Variants in LRP1B observed in about 807,000 individuals in gnomAD.
LRP1B encodes the protein low-density lipoprotein receptor-related protein 1B.
LRP1B carries 217 observed loss-of-function variants against 556.6 expected under a neutral mutation model. The ratio of observed to expected loss-of-function variants is 0.39; its 90% CI spans 0.35 to 0.44. The LOEUF is 0.44. LRP1B is among the 20% of genes least tolerant of loss of function. The pLI is 1.00. For synonymous variants in LRP1B, 2,047 were observed against 1,865.8 expected (o/e 1.10, Z -2.50); for missense variants, 5,053 against 5,620.8 (o/e 0.90, Z 3.23).
chr2:142,043,209 T>C (rs1704122718), intron 1 of LRP1B, among the ~76,000 whole-genome samples: 1 of 151,632 alleles, frequency 6.6e-6, no homozygotes, highest in South Asian at 2.1e-4. Context: ...GATTTTTCAA[T>C]ATCCAGATAC....
chr2:141,665,823 G>A (rs1392264840), intron 2 of LRP1B, among the ~76,000 whole-genome samples: 18 of 151,990 alleles, frequency 1.2e-4, no homozygotes, highest in Admixed American at 1.2e-3. Context: ...AACAAACTAG[G>A]TACAGAAAAC....
chr2:140,530,754 T>G (rs182421030), intron 47 of LRP1B, among the ~76,000 whole-genome samples: 1 of 152,180 alleles, frequency 6.6e-6, no homozygotes, highest in African/African-American at 2.4e-5. Context: ...CTTTAAGGCA[T>G]AAGTTTTGCT....
chr2:141,822,130 C>CACACACACACACACAG (rs374369026), intron 1 of LRP1B, among the ~76,000 whole-genome samples: 2 of 95,896 alleles, frequency 2.1e-5, no homozygotes, highest in South Asian at 9.1e-4. Context: ...CACACACACA[C>CACACACACACACACAG]AGAGAGAGAG....
At chr2:140,242,597 A>T (rs942791782) in intron 87 of LRP1B, among the ~76,000 whole-genome samples, 1 of 151,154 alleles carries the variant, frequency 6.6e-6, no homozygotes, top group African/African-American at 2.4e-5. Flanking sequence ...TCACTATAGT[A>T]GCATGAATGC....
At chr2:140,542,789 A>C (rs1239618155) in intron 43 of LRP1B, among the ~76,000 whole-genome samples, 1 of 152,154 alleles carries the variant, frequency 6.6e-6, no homozygotes, top group African/African-American at 2.4e-5. Flanking sequence ...AAGAGTTGAC[A>C]GTTCAGCAGA....
chr2:141,724,352 T>C (rs1692950523), intron 2 of LRP1B, among the ~76,000 whole-genome samples: 1 of 151,946 alleles, frequency 6.6e-6, no homozygotes, highest in African/African-American at 2.4e-5. Context: ...TACCACCATG[T>C]AGCTGCTGGT....
chr2:142,063,919 C>T (rs748195648), intron 1 of LRP1B, among the ~76,000 whole-genome samples: 19 of 151,442 alleles, frequency 1.3e-4, no homozygotes, highest in East Asian at 1.9e-4. Flanking sequence ...ACATCAATAC[C>T]GTATAAATGA....
chr2:141,862,122 T>A (rs942965212), intron 1 of LRP1B, among the ~76,000 whole-genome samples: 1 of 152,182 alleles, frequency 6.6e-6, no homozygotes, highest in Non-Finnish European at 1.5e-5. Flanking sequence ...ATGACTCTAA[T>A]TTAATATGTT....
At chr2:140,972,803 T>C (rs2105331509) in intron 18 of LRP1B, among the ~76,000 whole-genome samples, 1 of 151,710 alleles carries the variant, frequency 6.6e-6, no homozygotes, top group African/African-American at 2.4e-5. Flanking sequence ...AGAGGTGAAG[T>C]TTATGTAAAT....
Position 140,613,376 on chromosome 2 carries a change from T to A in LRP1B, c.6800-11737A>T, listed in dbSNP as rs34154771. Reference sequence around the variant, plus strand: ...AAATAATTATATAAATATAAATATATATAATTATATACATATAAATATAAA... The same window carrying A: ...AAATAATTATATAAATATAAATATAAATAATTATATACATATAAATATAAA... On this transcript the variant is annotated intron_variant, in intron 41 of 90. Coordinates refer to ENST00000389484, the MANE Select transcript of LRP1B (RefSeq NM_018557.3). Among the ~76,000 whole-genome samples the A allele has an allele frequency of 3.8e-5, 4 of 104,986 alleles. 1 individual carries two copies. The highest frequency in any genetic ancestry group is 6.3e-5 in the Non-Finnish European group (3 of 47,736). 68.9% of individuals were successfully genotyped at this position (104,986 alleles called of 152,430 possible). A position where few individuals can be genotyped will look rare whatever the true frequency, so the allele number is the denominator to read the frequency against.
chr2:140,458,971 C>A (rs1003179719), intron 60 of LRP1B, among the ~76,000 whole-genome samples: 1 of 151,866 alleles, frequency 6.6e-6, no homozygotes, highest in Non-Finnish European at 1.5e-5. Context: ...AATATAAAAT[C>A]TAGCTAGAAA....
Position 141,543,066 on chromosome 2 carries a change from T to C in LRP1B, c.206-62533A>G, listed in dbSNP as rs1685322589. ...ATATTTATTATCCATATACCCTAAA[T>C]ATACCCGTGAATGATAGAAATCCAT... is the stretch of plus-strand genomic sequence containing the variant. On this transcript the variant is annotated intron_variant, in intron 2 of 90. Coordinates refer to ENST00000389484, the MANE Select transcript of LRP1B (RefSeq NM_018557.3). Among the ~76,000 whole-genome samples the C allele has an allele frequency of 3.3e-5, 5 of 152,222 alleles. No individual in the cohort carries two copies. In the South Asian group the frequency reaches 1.0e-3, roughly 32 times the overall value.
At chr2:141,516,560 C>A (rs1177051127) in intron 2 of LRP1B, among the ~76,000 whole-genome samples, 1 of 151,964 alleles carries the variant, frequency 6.6e-6, no homozygotes, top group Non-Finnish European at 1.5e-5. Context: ...TTCACTAAAC[C>A]TTGTTAAAAA....
chr2:141,636,434 C>T lies in LRP1B; in HGVS notation c.206-155901G>A, dbSNP rs149055404. Among the ~76,000 whole-genome samples, 42 of 152,118 alleles carry T rather than the reference C, an allele frequency of 2.8e-4. 1 individual carries two copies. The East Asian group carries it at 7.9e-3, about 29-fold the overall frequency. ...TGAAAATGAGATAAATGTTCATTCA[C>T]AAGGTTGGAAAAATAATTACTAATA... On this transcript the variant is annotated intron_variant, in intron 2 of 90. Coordinates refer to ENST00000389484, the MANE Select transcript of LRP1B (RefSeq NM_018557.3).
chr2:141,221,794 C>T lies in LRP1B; in HGVS notation c.850+7389G>A, dbSNP rs141464452. 3.7e-3 allele frequency among the ~76,000 whole-genome samples: 559 copies of T among 152,254 alleles called. 19 individuals carry two copies. Among genetic ancestry groups the T allele is most frequent in the Admixed American group, 0.034 (514 of 15,280 alleles). ...AAACTCACTGAAAATCACAAAACCACATAGAAATTAAACAACCTGCTCCTG... is the reference window on the plus strand; with the variant it reads ...AAACTCACTGAAAATCACAAAACCATATAGAAATTAAACAACCTGCTCCTG... On this transcript the variant is annotated intron_variant, in intron 6 of 90. Coordinates refer to ENST00000389484, the MANE Select transcript of LRP1B (RefSeq NM_018557.3).
At chr2:140,525,809 G>T in intron 49 of LRP1B, 35 bp downstream of exon 49, 1 of 1,600,366 alleles carries the variant, frequency 6.2e-7, no homozygotes, top group East Asian at 2.2e-5. Context: ...AAATCTCCAA[G>T]GCAAAGCCTG....
intron 41 of LRP1B, among the ~76,000 whole-genome samples, chr2:140,638,722 G>C (rs1684164168): frequency 6.6e-6 from 1 of 151,534 alleles, no homozygotes; most frequent in African/African-American, 2.4e-5. Context: ...ACAAGGCATG[G>C]GTAAATGATT....
At chr2:140,827,069 G>A (rs1559141884) in intron 31 of LRP1B, among the ~76,000 whole-genome samples, 1 of 152,024 alleles carries the variant, frequency 6.6e-6, no homozygotes, top group Non-Finnish European at 1.5e-5. Flanking sequence ...GGATTAATAT[G>A]CCATCTAATG....
At chr2:141,475,331 C>T (rs932136538) in intron 3 of LRP1B, among the ~76,000 whole-genome samples, 2 of 152,194 alleles carry the variant, frequency 1.3e-5, no homozygotes, top group African/African-American at 2.4e-5. Context: ...CATGCCACTG[C>T]ACTCCAGCCT....
Sources: allele counts gnomAD v4.1 joint callset (sites outside exome capture counted in the v4.1 genomes callset), GRCh38; gene constraint gnomAD v4.1.1; transcripts MANE v1.5; gene names NCBI Gene and HGNC (gene_info 2026-07-23, HGNC 2026-07-21).